MYOM1: variants seen among roughly 807,000 people sequenced by gnomAD.
The protein encoded by MYOM1 is myomesin-1.
In MYOM1, 164 loss-of-function variants were observed where a neutral mutation model predicts 205.3. The observed-to-expected ratio is 0.80, with a 90% CI of 0.70 to 0.91. The LOEUF (loss-of-function observed/expected upper bound fraction) is 0.91. Among genes scored for constraint, MYOM1 ranks in the 40% least tolerant of loss-of-function variants. The pLI, the probability that MYOM1 is intolerant of heterozygous loss-of-function variation, is 0.00. For missense variants in MYOM1, 2,011 were observed against 2,127.3 expected (o/e 0.95, Z 1.08); for synonymous variants, 772 against 789.4 (o/e 0.98, Z 0.37).
chr18:3,136,263 C>A (rs919487567), intron 14 of MYOM1, among the ~76,000 whole-genome samples: 3 of 152,204 alleles, frequency 2.0e-5, no homozygotes, highest in Middle Eastern at 3.4e-3. Context: ...CGATCAACAA[C>A]ATGAAAATGG....
At position 3,079,199 on chromosome 18, in the gene MYOM1, G is replaced by A. The variant is rs745845070; in HGVS notation, c.4628C>T (p.Thr1543Ile). The A allele has an allele frequency of 1.2e-6, 2 of 1,613,808 alleles. No individual in the cohort carries two copies. The highest frequency in any genetic ancestry group is 2.2e-5 in the East Asian group (1 of 44,874). The change falls in exon 34 of 38, where the codon ACA (threonine) becomes ATA (isoleucine). Residue 1543 changes from threonine to isoleucine, a missense_variant. By Grantham distance (89) the Thr-to-Ile change is moderately conservative. Transcript: ENST00000356443. ...LFDGKTGHQKTVDLSGQAYDE... is the reference protein window; with the variant it reads ...LFDGKTGHQKIVDLSGQAYDE... ...TTTACCTTGTCCAGAGAGATCCACT[G>A]TCTTCTGATGTCCAGTTTTGCCATC...
chr18:3,183,764 A>G lies in MYOM1; in HGVS notation c.929+3716T>C, dbSNP rs376125058. On this transcript the variant is annotated intron_variant, in intron 5 of 37. Coordinates refer to ENST00000356443, the MANE Select transcript of MYOM1 (RefSeq NM_003803.4). Reference sequence around the variant, plus strand: ...ATACCAAAAAGGTATAAATGCCAGCAATGTTATCACCAACAATCTTGGTTG... The same window carrying G: ...ATACCAAAAAGGTATAAATGCCAGCGATGTTATCACCAACAATCTTGGTTG... Among the ~76,000 whole-genome samples the G allele has an allele frequency of 9.5e-4, 145 of 152,304 alleles. No homozygotes were observed. In the South Asian group the frequency reaches 0.025, roughly 26 times the overall value.
At chr18:3,159,473 A>G (rs2080350047) in intron 10 of MYOM1, among the ~76,000 whole-genome samples, 1 of 152,236 alleles carries the variant, frequency 6.6e-6, no homozygotes, top group African/African-American at 2.4e-5. Flanking sequence ...AGTTAAACAC[A>G]AATTTACCAT....
chr18:3,197,132 CTTCCTTTTT>C (rs1272855684), intron 2 of MYOM1, among the ~76,000 whole-genome samples: 2 of 145,286 alleles, frequency 1.4e-5, no homozygotes, highest in Non-Finnish European at 3.0e-5. Flanking sequence ...TCATCTCCAA[CTTCCTTTTT>C]TTTTTTTTTT....
intron 20 of MYOM1, among the ~76,000 whole-genome samples, chr18:3,119,469 A>G (rs1214857077): frequency 6.6e-6 from 1 of 152,198 alleles, no homozygotes; most frequent in Non-Finnish European, 1.5e-5. Flanking sequence ...TATGAGAACA[A>G]AGAAGTGCAG....
Position 3,135,339 on chromosome 18 carries a change from T to C in MYOM1, c.2209+208A>G. The C allele has an allele frequency of 4.2e-6, 2 of 478,032 alleles. No homozygotes were observed. Among genetic ancestry groups the C allele is most frequent in the East Asian group, 3.4e-5 (1 of 29,802 alleles). 29.6% of individuals were successfully genotyped at this position (478,032 alleles called of 1,614,324 possible). ...CATGAACTTCAGAAAAAACACATTA[T>C]CAATATTGTTGAAACTCCCAAAGAA... On this transcript the variant is annotated intron_variant, in intron 15 of 37. Transcript: ENST00000356443. This position sits in a 1 kb window ranked among gnomAD's most constrained non-coding sequence, Gnocchi z 4.1.
intron 27 of MYOM1, among the ~76,000 whole-genome samples, 174 bp downstream of exon 27, chr18:3,090,484 T>C (rs964554149): frequency 6.6e-6 from 1 of 152,154 alleles, no homozygotes; most frequent in Non-Finnish European, 1.5e-5. Context: ...CCTCTCAAAG[T>C]GCTGGGATTA....
chr18:3,138,805 G>A (rs2080007640), intron 14 of MYOM1, among the ~76,000 whole-genome samples: 1 of 152,162 alleles, frequency 6.6e-6, no homozygotes, highest in Admixed American at 6.5e-5. Context: ...TTGTATGATT[G>A]TCAACGTTTT....
chr18:3,168,305 T>G (rs551051859), intron 9 of MYOM1, among the ~76,000 whole-genome samples: 1 of 152,236 alleles, frequency 6.6e-6, no homozygotes, highest in African/African-American at 2.4e-5. Flanking sequence ...TATACTTTTT[T>G]TTTTTTGAGA....
intron 5 of MYOM1, among the ~76,000 whole-genome samples, chr18:3,186,760 G>A (rs1042555705): frequency 7.1e-6 from 1 of 140,434 alleles, no homozygotes; most frequent in African/African-American, 2.7e-5. Flanking sequence ...AAAGAAGGAA[G>A]GAAGGAAAGG....
At chr18:3,212,856 C>A (rs948148456) in intron 2 of MYOM1, among the ~76,000 whole-genome samples, 2 of 152,168 alleles carry the variant, frequency 1.3e-5, no homozygotes, top group African/African-American at 4.8e-5. Flanking sequence ...TCGTCTGAGG[C>A]AAGTGCTAAA....
At chr18:3,162,573 T>C (rs1447658160) in intron 10 of MYOM1, among the ~76,000 whole-genome samples, 1 of 152,176 alleles carries the variant, frequency 6.6e-6, no homozygotes, top group South Asian at 2.1e-4. Flanking sequence ...TGTTTTCTTG[T>C]GCCTCTACTA....
At chr18:3,144,243 A>G (rs186268554) in intron 13 of MYOM1, among the ~76,000 whole-genome samples, 1 of 152,252 alleles carries the variant, frequency 6.6e-6, no homozygotes, top group Non-Finnish European at 1.5e-5. Flanking sequence ...GTAAATTCTT[A>G]CACTACATGT....
At chr18:3,103,308 T>C (rs1239570527) in intron 22 of MYOM1, among the ~76,000 whole-genome samples, 2 of 152,206 alleles carry the variant, frequency 1.3e-5, no homozygotes, top group African/African-American at 4.8e-5. Context: ...TTGAACTGCA[T>C]GGAAATTTAA....
rs76382984 is a variant in MYOM1, at chr18:3,215,133, G to T, written c.91C>A (p.Arg31=). ...TAGACGGCGGAGCGTTTCTTCTCCC[G>T]CTGGTAGTGACTCACGGTGCTGCGC... The part of the protein sequence containing the change: ...DVRSTVSHYQ[R]EKKRSAVYTQ... The change falls in exon 2 of 38, where the codon CGG becomes AGG. Residue 31 remains arginine (R), a synonymous_variant. Coordinates refer to ENST00000356443, the MANE Select transcript of MYOM1 (RefSeq NM_003803.4). 0.015 allele frequency: 24,167 copies of T among 1,613,742 alleles called. 265 individuals are homozygous for T. Among genetic ancestry groups the T allele is most frequent in the East Asian group, 0.036 (1,612 of 44,856 alleles).
At chr18:3,215,349 G>A in intron 1 of MYOM1, 98 bp from the exon 2 acceptor site, 2 of 989,466 alleles carry the variant, frequency 2.0e-6, no homozygotes, top group Non-Finnish European at 2.9e-6. Flanking sequence ...CTCTTGGCTG[G>A]GTGCGGTGGT....
At chr18:3,089,287 T>A in intron 28 of MYOM1, 46 bp from the exon 29 acceptor site, 1 of 1,467,304 alleles carries the variant, frequency 6.8e-7, no homozygotes, top group Non-Finnish European at 9.5e-7. Context: ...TAATCACAAA[T>A]GCAAAATCAA....
intron 16 of MYOM1, among the ~76,000 whole-genome samples, chr18:3,134,288 C>T (rs2079919890): frequency 6.6e-6 from 1 of 152,186 alleles, no homozygotes; most frequent in Admixed American, 6.5e-5. Flanking sequence ...CAAACTCAAG[C>T]TGTAGTTGAA....
intron 9 of MYOM1, among the ~76,000 whole-genome samples, chr18:3,166,138 G>A (rs1318748569): frequency 6.6e-6 from 1 of 152,098 alleles, no homozygotes; most frequent in Non-Finnish European, 1.5e-5. Flanking sequence ...AACTTCAAGG[G>A]GTGACAGCAG....
Sources: allele counts gnomAD v4.1 joint callset (sites outside exome capture counted in the v4.1 genomes callset), GRCh38; gene constraint gnomAD v4.1.1; non-coding constraint Gnocchi (gnomAD v3.1); transcripts MANE v1.5; gene names NCBI Gene and HGNC (gene_info 2026-07-23, HGNC 2026-07-21).